Variants in SOX5 observed in about 807,000 individuals in gnomAD.
SOX5 encodes the protein transcription factor SOX-5.
In SOX5, 9 loss-of-function variants were observed where a neutral mutation model predicts 92.0. The ratio of observed to expected loss-of-function variants is 0.10; its 90% CI spans 0.06 to 0.17. The LOEUF (loss-of-function observed/expected upper bound fraction) is 0.17, where lower values mean the gene tolerates loss of function less well. SOX5 is among the 10% of genes least tolerant of loss of function. The pLI is 1.00. For missense variants in SOX5, 642 were observed against 944.5 expected, an observed-to-expected ratio of 0.68 and a Z score of 4.20; for synonymous variants, 344 against 336.3, an observed-to-expected ratio of 1.02 and a Z score of -0.25.
At chr12:23,908,057 G>A (rs965053102) in intron 1 of SOX5, among the ~76,000 whole-genome samples, 1 of 152,020 alleles carries the variant, frequency 6.6e-6, no homozygotes, top group Non-Finnish European at 1.5e-5. Context: ...AATAAATAGC[G>A]AATTGTTCCA....
intron 1 of SOX5, among the ~76,000 whole-genome samples, chr12:24,409,975 CT>C (rs759801512): frequency 9.2e-4 from 140 of 151,462 alleles, no homozygotes; most frequent in Middle Eastern, 6.9e-3. Flanking sequence ...GCTTTTCGTC[CT>C]TTCAATAGGA....
chr12:24,031,199 TTA>T (rs57044625), intron 4 of SOX5, among the ~76,000 whole-genome samples: 8 of 147,422 alleles, frequency 5.4e-5, no homozygotes, highest in Admixed American at 1.4e-4. Context: ...CTGCTACTAG[TTA>T]TATATATATA....
intron 1 of SOX5, among the ~76,000 whole-genome samples, chr12:24,458,286 T>C (rs370906852): frequency 6.6e-6 from 1 of 152,348 alleles, no homozygotes; most frequent in African/African-American, 2.4e-5. Context: ...AAATGATGAA[T>C]TGTTTTTTTA....
At chr12:23,556,265 A>C (rs569338260) in intron 11 of SOX5, among the ~76,000 whole-genome samples, 1 of 152,212 alleles carries the variant, frequency 6.6e-6, no homozygotes, top group Non-Finnish European at 1.5e-5. Context: ...GTTGCCTAGA[A>C]AGCCGTTTCC....
chr12:23,758,981 G>A (rs1373327796), intron 3 of SOX5, among the ~76,000 whole-genome samples: 1 of 150,410 alleles, frequency 6.6e-6, no homozygotes, highest in Non-Finnish European at 1.5e-5. Context: ...AAATCATTCA[G>A]TCTGTGTTAT....
At chr12:24,513,310 T>G (rs1597468457) in intron 1 of SOX5, among the ~76,000 whole-genome samples, 1 of 152,260 alleles carries the variant, frequency 6.6e-6, no homozygotes. Context: ...ATAACCCCAT[T>G]GTAAGTCGAG....
At chr12:23,890,314 C>A (rs1173503969) in intron 2 of SOX5, among the ~76,000 whole-genome samples, 1 of 149,158 alleles carries the variant, frequency 6.7e-6, no homozygotes. Context: ...GAACGGAACT[C>A]CATTTCAAAA....
In SOX5 at chr12:23,909,789, T is replaced by C. The variant is rs1010218602; in HGVS notation, c.39-13765A>G. On this transcript the variant is annotated intron_variant, in intron 1 of 14. Transcript: ENST00000451604. ...CTTGATGGAGAAAAGTAATCATCCATTGCTGTTTTCTTTTTTTTTTAACCT... is the reference window on the plus strand; with the variant it reads ...CTTGATGGAGAAAAGTAATCATCCACTGCTGTTTTCTTTTTTTTTTAACCT... 5.3e-5 allele frequency among the ~76,000 whole-genome samples: 8 copies of C among 152,006 alleles called. No homozygotes were observed. The South Asian group carries it at 1.2e-3, about 24-fold the overall frequency.
chr12:24,094,193 C>T (rs1945033313), intron 4 of SOX5, among the ~76,000 whole-genome samples: 1 of 152,160 alleles, frequency 6.6e-6, no homozygotes, highest in Non-Finnish European at 1.5e-5. Flanking sequence ...ATGATCCACC[C>T]ACCTCGGCCT....
At chr12:23,982,157 T>C (rs1358255398) in intron 4 of SOX5, among the ~76,000 whole-genome samples, 1 of 152,218 alleles carries the variant, frequency 6.6e-6, no homozygotes, top group East Asian at 1.9e-4. Flanking sequence ...GAAATGTATT[T>C]GGAAGAAAGT....
intron 4 of SOX5, among the ~76,000 whole-genome samples, chr12:23,991,656 T>G (rs1948662): frequency 0.21 from 31,689 of 151,902 alleles, 3,787 homozygotes; most frequent in Non-Finnish European, 0.27. Context: ...GTAGTAATTT[T>G]AACTACTTCA....
intron 2 of SOX5, among the ~76,000 whole-genome samples, chr12:23,879,697 T>TA (rs376387327): frequency 1.4e-3 from 214 of 152,310 alleles, no homozygotes; most frequent in African/African-American, 5.0e-3. Flanking sequence ...GAAAACAACT[T>TA]ATCAAGAAAA....
intron 1 of SOX5, among the ~76,000 whole-genome samples, chr12:23,910,883 A>G (rs2097344254): frequency 6.6e-6 from 1 of 152,118 alleles, no homozygotes; most frequent in African/African-American, 2.4e-5. Flanking sequence ...AGAGTAAACT[A>G]TTATCTATAG....
chr12:23,741,648 A>G, intron 4 of SOX5, among the ~76,000 whole-genome samples: 1 of 152,202 alleles, frequency 6.6e-6, no homozygotes, highest in Non-Finnish European at 1.5e-5. Context: ...TAGCCAATCA[A>G]GTTTTAGAGC....
chr12:24,158,992 T>C (rs141644505), intron 4 of SOX5, among the ~76,000 whole-genome samples: 30 of 152,102 alleles, frequency 2.0e-4, no homozygotes, highest in African/African-American at 7.2e-4. Context: ...TTACTTCGAA[T>C]AGTAGCCTAT....
At chr12:23,662,906 G>A (rs1481282134) in intron 7 of SOX5, among the ~76,000 whole-genome samples, 1 of 152,126 alleles carries the variant, frequency 6.6e-6, no homozygotes, top group Non-Finnish European at 1.5e-5. Flanking sequence ...GTCAAGATGG[G>A]TTGGTCAGTC....
intron 3 of SOX5, among the ~76,000 whole-genome samples, chr12:23,842,548 C>A (rs1375596089): frequency 3.3e-5 from 5 of 152,084 alleles, no homozygotes; most frequent in African/African-American, 4.8e-5. Flanking sequence ...TTCTAATATT[C>A]TCCAATAAAA....
chr12:24,225,183 G>A (rs573842475), intron 3 of SOX5, among the ~76,000 whole-genome samples: 10 of 152,252 alleles, frequency 6.6e-5, no homozygotes, highest in Admixed American at 2.0e-4. Flanking sequence ...CTTCGCTCAG[G>A]TGGAAAGGAA....
At chr12:24,241,690 C>T (rs1403012) in intron 3 of SOX5, among the ~76,000 whole-genome samples, 6,561 of 152,236 alleles carry the variant, frequency 0.043, 429 homozygotes, top group African/African-American at 0.15. Flanking sequence ...CATTCAAGCT[C>T]ATTAGGCTGC....
Sources: allele counts gnomAD v4.1 joint callset (sites outside exome capture counted in the v4.1 genomes callset), GRCh38; gene constraint gnomAD v4.1.1; transcripts MANE v1.5; gene names NCBI Gene and HGNC (gene_info 2026-07-23, HGNC 2026-07-21).